Variants in ZBTB46 observed in about 807,000 individuals in gnomAD.
The protein encoded by ZBTB46 is zinc finger and BTB domain-containing protein 46.
In ZBTB46, 8 loss-of-function variants were observed where a neutral mutation model predicts 44.1. The observed-to-expected ratio is 0.18, with a 90% CI of 0.11 to 0.33. The LOEUF is 0.33. Among genes scored for constraint, ZBTB46 ranks in the 10% least tolerant of loss-of-function variants. The pLI is 1.00. For synonymous variants in ZBTB46, 409 were observed against 382.3 expected, an observed-to-expected ratio of 1.07 and a Z score of -0.81; for missense variants, 651 against 847.7, an observed-to-expected ratio of 0.77 and a Z score of 2.88.
upstream of ZBTB46, among the ~76,000 whole-genome samples, chr20:63,832,616 C>T (rs935398898): frequency 2.6e-5 from 4 of 152,210 alleles, no homozygotes; most frequent in Non-Finnish European, 4.4e-5. The surrounding 1 kb of genome is among the most constrained non-coding windows in gnomAD (Gnocchi z 5.0). Context: ...CCCTTACTGC[C>T]GTCGCGGGCG....
At chr20:63,775,633 TCAAAACCACAC>T (rs766469855) in intron 3 of ZBTB46, 34 bp downstream of exon 3, 2 of 1,517,830 alleles carry the variant, frequency 1.3e-6, no homozygotes, top group Non-Finnish European at 1.8e-6. Flanking sequence ...CCCTCAGCCT[TCAAAACCACAC>T]CAAAGCCAAG....
At chr20:63,811,886 G>A (rs6011149) in intron 1 of ZBTB46, among the ~76,000 whole-genome samples, 63,636 of 152,006 alleles carry the variant, frequency 0.42, 13,840 homozygotes, top group African/African-American at 0.55. Flanking sequence ...CCACTTTTCT[G>A]CCAGGTCTGG....
intron 1 of ZBTB46, among the ~76,000 whole-genome samples, chr20:63,828,168 C>T (rs1222744843): frequency 6.6e-6 from 1 of 152,202 alleles, no homozygotes; most frequent in African/African-American, 2.4e-5. Flanking sequence ...TTGTCATCAC[C>T]AGCAAACCAG....
Position 63,747,539 on chromosome 20 carries a change from G to GGGGGCGGGGCA in ZBTB46, c.1399-239_1399-238insTGCCCCGCCCC, listed in dbSNP as rs1568824122. 1.2e-3 allele frequency among the ~76,000 whole-genome samples: 152 copies of GGGGGCGGGGCA among 128,656 alleles called. 1 individual carries two copies. Among genetic ancestry groups the GGGGGCGGGGCA allele is most frequent in the African/African-American group, 3.5e-3 (115 of 32,908 alleles). The allele number at this position is 128,656 out of a possible 152,430, so 84.4% of individuals were successfully genotyped here. A position where few individuals can be genotyped will look rare whatever the true frequency, so the allele number is the denominator to read the frequency against. On this transcript the variant is annotated intron_variant, in intron 4 of 4. Coordinates refer to ENST00000245663, the MANE Select transcript of ZBTB46 (RefSeq NM_001369741.1). ...GGGGTGAGCAGGGCCTGGTGGGTGG[G>GGGGGCGGGGCA]GGGGGTGCGGGGGTGAGCAGGGCCC...
chr20:63,747,496 GGT>G (rs2092112526), intron 4 of ZBTB46, among the ~76,000 whole-genome samples, 195 bp from the exon 5 acceptor site: 3 of 48,388 alleles, frequency 6.2e-5, no homozygotes, highest in African/African-American at 1.3e-4. Flanking sequence ...GCCCGGTGGA[GGT>G]TGGGAGGGGG....
At chr20:63,771,846 G>A (rs994445868) in intron 3 of ZBTB46, among the ~76,000 whole-genome samples, 1 of 152,184 alleles carries the variant, frequency 6.6e-6, no homozygotes, top group African/African-American at 2.4e-5. Flanking sequence ...GGCCACACAG[G>A]ATGCCAGAAA....
At chr20:63,804,670 G>A (rs1415467324) in intron 1 of ZBTB46, among the ~76,000 whole-genome samples, 2 of 152,056 alleles carry the variant, frequency 1.3e-5, no homozygotes, top group Non-Finnish European at 2.9e-5. Context: ...AAGGCAGGTG[G>A]ATCACCAGGT....
intron 1 of ZBTB46, among the ~76,000 whole-genome samples, chr20:63,793,225 C>A (rs567965794): frequency 6.6e-6 from 1 of 152,300 alleles, no homozygotes. Flanking sequence ...CGTGTGGGTG[C>A]GAGCAGAACA....
At chr20:63,820,895 ATTT>A (rs57955289) in intron 1 of ZBTB46, among the ~76,000 whole-genome samples, 34 of 142,342 alleles carry the variant, frequency 2.4e-4, no homozygotes, top group East Asian at 6.1e-4. Context: ...TGCATGGCTA[ATTT>A]TTTTTTTTTT....
rs936434454 is a variant in ZBTB46, at chr20:63,806,073, C to T, written c.-33-15283G>A. On this transcript the variant is annotated intron_variant, in intron 1 of 4. Transcript: ENST00000245663. ...TACACGCATGAGCCACCATGCCCGG[C>T]CCCAACTTTTAAAAATATTATAATT... is the stretch of plus-strand genomic sequence containing the variant. Among the ~76,000 whole-genome samples the T allele has an allele frequency of 4.0e-5, 6 of 151,566 alleles. No homozygotes were observed. The East Asian group carries it at 7.8e-4, about 20-fold the overall frequency.
At position 63,803,634 on chromosome 20, in the gene ZBTB46, C is replaced by T. The variant is rs575355786; in HGVS notation, c.-33-12844G>A. The T allele has an allele frequency of 2.5e-3, 1,358 of 540,422 alleles. 3 individuals are homozygous for T. The highest frequency in any genetic ancestry group is 3.0e-3 in the Non-Finnish European group (1,273 of 423,758). 33.5% of individuals were successfully genotyped at this position (540,422 alleles called of 1,614,324 possible). A position where few individuals can be genotyped will look rare whatever the true frequency, so the allele number is the denominator to read the frequency against. On this transcript the variant is annotated intron_variant, in intron 1 of 4. Coordinates refer to ENST00000245663, the MANE Select transcript of ZBTB46 (RefSeq NM_001369741.1). The surrounding 1 kb of genome is among the most constrained non-coding windows in gnomAD (Gnocchi z 4.0). ...CCCCTCCCTGCCCACTGGCCCCTTT[C>T]AGTTCCTTCATCTCCAGCCCGGCTC...
intron 1 of ZBTB46, among the ~76,000 whole-genome samples, chr20:63,810,447 T>C (rs1479231125): frequency 6.6e-6 from 1 of 152,060 alleles, no homozygotes; most frequent in Admixed American, 6.6e-5. Context: ...AAAACCCCCC[T>C]TCCCCTCGCA....
intron 1 of ZBTB46, among the ~76,000 whole-genome samples, chr20:63,800,737 T>C (rs1184970741): frequency 6.6e-6 from 1 of 152,216 alleles, no homozygotes; most frequent in African/African-American, 2.4e-5. Context: ...CCACCGGCGC[T>C]GTGCTTGATT....
At chr20:63,802,735 G>A (rs1434402031) in intron 1 of ZBTB46, among the ~76,000 whole-genome samples, 26 of 147,780 alleles carry the variant, frequency 1.8e-4, no homozygotes, top group Non-Finnish European at 7.5e-5. Context: ...CCCAGGAACC[G>A]CGGTGGGCCG....
At chr20:63,783,324 G>C (rs985333040) in intron 2 of ZBTB46, among the ~76,000 whole-genome samples, 1 of 152,184 alleles carries the variant, frequency 6.6e-6, no homozygotes, top group African/African-American at 2.4e-5. Flanking sequence ...AGCTACTCGG[G>C]AGGCTGAGGC....
intron 3 of ZBTB46, among the ~76,000 whole-genome samples, chr20:63,772,760 CA>C (rs752608471): frequency 0.31 from 22,221 of 72,296 alleles, 1,980 homozygotes; most frequent in Middle Eastern, 0.34. Context: ...CACACACACA[CA>C]CACACAGAAG....
Position 63,746,948 on chromosome 20 carries a change from G to T in ZBTB46, c.1752C>A (p.Asp584Glu). Reference protein sequence around the residue: ...PRSPPGGPDKDFAWLS With the variant: ...PRSPPGGPDKEFAWLS ...GGCGGGCCTAGGAGAGCCAGGCGAA[G>T]TCCTTGTCAGGGCCTCCTGGGGGGC... Residue 584 changes from aspartate to glutamate, a missense_variant, in exon 5 of 5, where the codon GAC (aspartate) becomes GAA (glutamate). Asp to Glu is a conservative substitution (Grantham distance 45). Around this residue, in one of 5 missense-constraint regions of ZBTB46, gnomAD observed 106 missense variants for 81.0 expected, o/e 1.31. Transcript: ENST00000245663. The T allele has an allele frequency of 6.3e-7, 1 of 1,575,038 alleles. No individual in the cohort carries two copies.
intron 3 of ZBTB46, among the ~76,000 whole-genome samples, chr20:63,757,865 A>G (rs1181327532): frequency 2.5e-4 from 11 of 44,066 alleles, no homozygotes; most frequent in South Asian, 9.7e-4. Context: ...CCACCTGCCC[A>G]TCCAGGGCTC....
intron 1 of ZBTB46, chr20:63,808,151 G>C (rs1489192139): frequency 6.5e-6 from 1 of 152,972 alleles, no homozygotes; most frequent in Non-Finnish European, 1.5e-5. Flanking sequence ...CCCGCGGACA[G>C]CGCGGTAAGG....
Sources: allele counts gnomAD v4.1 joint callset (sites outside exome capture counted in the v4.1 genomes callset), GRCh38; gene constraint gnomAD v4.1.1; regional missense constraint gnomAD v4.1.1; non-coding constraint Gnocchi (gnomAD v3.1); transcripts MANE v1.5; gene names NCBI Gene and HGNC (gene_info 2026-07-23, HGNC 2026-07-21).